RNF19A: variants seen among roughly 807,000 people sequenced by gnomAD.
The protein encoded by RNF19A is ring finger protein 19A, RBR E3 ubiquitin protein ligase, also known as E3 ubiquitin-protein ligase RNF19A.
Under a neutral mutation model 75.7 loss-of-function variants are expected in RNF19A, and 32 were observed. That is an observed-to-expected ratio of 0.42 (90% CI 0.32 to 0.57). RNF19A has a LOEUF of 0.57. RNF19A is among the 20% of genes least tolerant of loss of function. RNF19A has a pLI of 0.10. For synonymous variants in RNF19A, 335 were observed against 345.2 expected (o/e 0.97, Z 0.33); for missense variants, 782 against 1,036.3 (o/e 0.75, Z 3.37).
chr8:100,297,252 C>T (rs1821607995), intron 1 of RNF19A, among the ~76,000 whole-genome samples: 1 of 152,088 alleles, frequency 6.6e-6, no homozygotes, highest in African/African-American at 2.4e-5. Flanking sequence ...ATCTAAATAC[C>T]TTTCAATTAC....
intron 2 of RNF19A, among the ~76,000 whole-genome samples, chr8:100,278,286 G>A (rs1222025901): frequency 6.6e-6 from 1 of 152,188 alleles, no homozygotes; most frequent in African/African-American, 2.4e-5. Flanking sequence ...GATCATACAA[G>A]TGACTATCAT....
At chr8:100,335,933 C>T (rs1156498338) in intron 1 of RNF19A, among the ~76,000 whole-genome samples, 6 of 152,318 alleles carry the variant, frequency 3.9e-5, no homozygotes, top group Admixed American at 3.3e-4. Flanking sequence ...ATAGGTTGGC[C>T]GCTTTCTATA....
At position 100,324,481 on chromosome 8, in the gene RNF19A, T is replaced by A. The variant is rs369249941; in HGVS notation, c.-242-11109A>T. 1.3e-5 allele frequency among the ~76,000 whole-genome samples: 2 copies of A among 152,342 alleles called. No homozygotes were observed. Among genetic ancestry groups the A allele is most frequent in the African/African-American group, 4.8e-5 (2 of 41,590 alleles). Reference sequence around the variant, plus strand: ...CTTTAAAACAAACAATGGATTCCCTTGAAATACTACATTTTAAAGGCTAAG... The same window carrying A: ...CTTTAAAACAAACAATGGATTCCCTAGAAATACTACATTTTAAAGGCTAAG... On this transcript the variant is annotated intron_variant, in intron 1 of 3. Coordinates refer to the RNF19A transcript ENST00000519527. This position sits in a 1 kb window ranked among gnomAD's most constrained non-coding sequence, Gnocchi z 4.2.
In RNF19A at chr8:100,330,765, C is replaced by T. The variant is rs910457787; in HGVS notation, c.-243+5343G>A. On this transcript the variant is annotated intron_variant, in intron 1 of 3. Coordinates refer to the RNF19A transcript ENST00000519527. This position sits in a 1 kb window ranked among gnomAD's most constrained non-coding sequence, Gnocchi z 4.1. ...AACAATATGTTTGTCCTTTCAGTTT[C>T]TAACTTCTCTCCTTCTCTCTCCTTC... 6.6e-6 allele frequency among the ~76,000 whole-genome samples: 1 copy of T among 152,164 alleles called. No homozygotes were observed. The highest frequency in any genetic ancestry group is 2.4e-5 in the African/African-American group (1 of 41,452).
upstream of RNF19A, among the ~76,000 whole-genome samples, chr8:100,312,958 A>T (rs1280956330): frequency 1.3e-5 from 2 of 152,124 alleles, no homozygotes; most frequent in African/African-American, 4.8e-5. Flanking sequence ...AAAAATAAAT[A>T]CATAACCTCT....
At chr8:100,276,723 C>CAAAAAAA (rs60419107) in intron 2 of RNF19A, among the ~76,000 whole-genome samples, 11 of 80,588 alleles carry the variant, frequency 1.4e-4, no homozygotes, top group African/African-American at 3.2e-4. Flanking sequence ...ACCACTGTAC[C>CAAAAAAA]AAAAAAAAAA....
intron 1 of RNF19A, among the ~76,000 whole-genome samples, chr8:100,297,918 G>C (rs1330759983): frequency 6.6e-6 from 1 of 152,128 alleles, no homozygotes; most frequent in Non-Finnish European, 1.5e-5. Context: ...TGTTGAGTGA[G>C]TAAAGCATGC....
chr8:100,270,087 G>A, intron 3 of RNF19A, 74 bp from the exon 4 acceptor site: 6 of 1,243,832 alleles, frequency 4.8e-6, no homozygotes, highest in Non-Finnish European at 6.4e-6. Context: ...TTTACCAATT[G>A]TAGCACTGTC....
intron 1 of RNF19A, among the ~76,000 whole-genome samples, chr8:100,290,356 C>T (rs1374116832): frequency 6.6e-6 from 1 of 152,202 alleles, no homozygotes; most frequent in Non-Finnish European, 1.5e-5. Flanking sequence ...CCCGCCTTGG[C>T]CTCCCAAAGT....
chr8:100,286,238 G>C (rs972590636), intron 2 of RNF19A, among the ~76,000 whole-genome samples: 14 of 152,078 alleles, frequency 9.2e-5, no homozygotes, highest in Non-Finnish European at 2.9e-5. Flanking sequence ...ATTTAGCCCT[G>C]CATACGTCCC....
At chr8:100,328,503 G>A (rs556387187) in intron 1 of RNF19A, among the ~76,000 whole-genome samples, 8 of 151,396 alleles carry the variant, frequency 5.3e-5, no homozygotes, top group South Asian at 2.1e-4. Flanking sequence ...ACAGAGTCTC[G>A]CTCTGTCACC....
intron 1 of RNF19A, among the ~76,000 whole-genome samples, chr8:100,296,036 C>T (rs908783504): frequency 7.9e-5 from 12 of 152,144 alleles, no homozygotes; most frequent in Non-Finnish European, 1.6e-4. Context: ...ATTGATTCCC[C>T]AACATAACTA....
At position 100,264,406 on chromosome 8, in the gene RNF19A, A is replaced by G. The variant is rs1819872028; in HGVS notation, c.1307-211T>C. 3 of 583,394 alleles carry G rather than the reference A, an allele frequency of 5.1e-6. No homozygotes were observed. The Admixed American group carries it at 9.7e-5, about 19-fold the overall frequency. 36.1% of individuals were successfully genotyped at this position (583,394 alleles called of 1,614,324 possible). On this transcript the variant is annotated intron_variant, in intron 6 of 9. Transcript: ENST00000341084. The surrounding 1 kb of genome is among the most constrained non-coding windows in gnomAD (Gnocchi z 4.7). ...TTCAGGTAATGCACATAAGGGGAAA[A>G]AGAGAGAGATGCAAACTTTTTTCTT...
At position 100,259,864 on chromosome 8, in the gene RNF19A, G is replaced by A; in HGVS notation, c.1816C>T (p.Pro606Ser). The A allele has an allele frequency of 6.2e-7, 1 of 1,611,558 alleles. No homozygotes were observed. The highest frequency in any genetic ancestry group is 2.2e-5 in the East Asian group (1 of 44,840). The change falls in exon 9 of 10, where the codon CCA becomes TCA. Residue 606 changes from proline to serine, a missense_variant. Physicochemically the swap from Pro to Ser is moderately conservative, Grantham distance 74 (BLOSUM62 -1). Coordinates refer to ENST00000341084, the MANE Select transcript of RNF19A (RefSeq NM_183419.4). This position sits in a 1 kb window ranked among gnomAD's most constrained non-coding sequence, Gnocchi z 4.5. Reference protein sequence around the residue: ...MAGSILNSYIPLDKEGNSMEV... With the variant: ...MAGSILNSYISLDKEGNSMEV... ...CAGTTTTTTCCTTACTTGTCCAATGGGATGTAGGAATTCAGAATGGATCCT... is the reference window on the plus strand; with the variant it reads ...CAGTTTTTTCCTTACTTGTCCAATGAGATGTAGGAATTCAGAATGGATCCT...
intron 1 of RNF19A, among the ~76,000 whole-genome samples, chr8:100,306,825 T>C (rs1023355618): frequency 2.0e-5 from 3 of 152,150 alleles, no homozygotes; most frequent in African/African-American, 7.2e-5. Flanking sequence ...AGAACTGGCA[T>C]GGCTTAAAAA....
intron 1 of RNF19A, among the ~76,000 whole-genome samples, chr8:100,304,497 C>T (rs368674411): frequency 2.6e-5 from 4 of 152,316 alleles, no homozygotes; most frequent in East Asian, 1.9e-4. Flanking sequence ...TTCCCACCCC[C>T]ACTTACGCAC....
chr8:100,287,773 C>T lies in RNF19A; in HGVS notation c.402G>A (p.Leu134=), dbSNP rs756093230. ...KQIGDFIECP[L]CLLRHSKDRF... is the part of the protein sequence containing the mutation. ...TGTCTTTAGAATGCCGCAAAAGGCA[C>T]AAAGGGCACTCTATGAAGTCTCCAA... Residue 134 remains leucine, a synonymous_variant, in exon 2 of 10, where the codon TTG becomes TTA. Transcript: ENST00000341084. This position sits in a 1 kb window ranked among gnomAD's most constrained non-coding sequence, Gnocchi z 4.1. 3.1e-6 allele frequency: 5 copies of T among 1,614,158 alleles called. No individual in the cohort carries two copies. In the South Asian group the frequency reaches 4.4e-5, roughly 14 times the overall value.
Position 100,331,813 on chromosome 8 carries a change from A to T in RNF19A, c.-243+4295T>A, listed in dbSNP as rs1452499388. On this transcript the variant is annotated intron_variant, in intron 1 of 3. Transcript: ENST00000519527. The surrounding 1 kb of genome is among the most constrained non-coding windows in gnomAD (Gnocchi z 5.2). The stretch of plus-strand genomic sequence containing the variant: ...AAGCAAGTCTGTGCACATACAAATA[A>T]ATCTATATATATCCTCCCCAGCCCT... 6.6e-6 allele frequency among the ~76,000 whole-genome samples: 1 copy of T among 152,126 alleles called. No homozygotes were observed. Among genetic ancestry groups the T allele is most frequent in the African/African-American group, 2.4e-5 (1 of 41,424 alleles).
At chr8:100,281,827 G>A (rs1005591747) in intron 2 of RNF19A, among the ~76,000 whole-genome samples, 9 of 152,156 alleles carry the variant, frequency 5.9e-5, no homozygotes, top group African/African-American at 1.7e-4. Context: ...AAGGGGAACA[G>A]TCAAGTTTTA....
Sources: allele counts gnomAD v4.1 joint callset (sites outside exome capture counted in the v4.1 genomes callset), GRCh38; gene constraint gnomAD v4.1.1; non-coding constraint Gnocchi (gnomAD v3.1); transcripts MANE v1.5; gene names NCBI Gene and HGNC (gene_info 2026-07-23, HGNC 2026-07-21).